Variants in EHBP1 observed in about 807,000 individuals in gnomAD.
The protein encoded by EHBP1 is EH domain binding protein 1, also known as EH domain-binding protein 1.
A neutral mutation model predicts 144.0 loss-of-function variants in EHBP1; 55 were observed. The ratio of observed to expected loss-of-function variants is 0.38; its 90% CI spans 0.31 to 0.48. The LOEUF (loss-of-function observed/expected upper bound fraction) is 0.48. EHBP1 is among the 20% of genes least tolerant of loss of function. The pLI is 0.98. For synonymous variants in EHBP1, 469 were observed against 472.7 expected (o/e 0.99, Z 0.10); for missense variants, 1,200 against 1,364.2 (o/e 0.88, Z 1.90).
At chr2:62,929,017 C>T (rs2055763647) in intron 10 of EHBP1, among the ~76,000 whole-genome samples, 1 of 151,982 alleles carries the variant, frequency 6.6e-6, no homozygotes, top group African/African-American at 2.4e-5. Flanking sequence ...AACAGAAGAC[C>T]TACCAAAATG....
chr2:62,885,132 A>G (rs1410571410), intron 10 of EHBP1, among the ~76,000 whole-genome samples: 1 of 152,244 alleles, frequency 6.6e-6, no homozygotes. Flanking sequence ...GAGGTGGCAA[A>G]GTGTTCACTG....
At chr2:62,754,929 C>A (rs1485413982) in intron 3 of EHBP1, among the ~76,000 whole-genome samples, 1 of 152,214 alleles carries the variant, frequency 6.6e-6, no homozygotes, top group East Asian at 1.9e-4. Context: ...TGACACCTTG[C>A]ACTTCCCGGG....
At chr2:62,923,386 C>A (rs186503111) in intron 10 of EHBP1, among the ~76,000 whole-genome samples, 234 of 152,324 alleles carry the variant, frequency 1.5e-3, no homozygotes, top group Non-Finnish European at 9.0e-4. Context: ...CTCTGAACAG[C>A]TGACATTCTC....
At chr2:62,886,510 A>G (rs2051941387) in intron 10 of EHBP1, among the ~76,000 whole-genome samples, 1 of 148,032 alleles carries the variant, frequency 6.8e-6, no homozygotes, top group South Asian at 2.1e-4. Context: ...TCTATTGGTT[A>G]GTATTTTTTT....
intron 6 of EHBP1, 148 bp downstream of exon 6, chr2:62,826,416 C>T (rs1241533874): frequency 1.5e-5 from 9 of 615,884 alleles, no homozygotes; most frequent in Non-Finnish European, 2.6e-6. Context: ...TAAGGGAACT[C>T]CTTGTTACTT....
chr2:62,862,040 T>G (rs762967304), intron 8 of EHBP1, among the ~76,000 whole-genome samples: 1 of 152,198 alleles, frequency 6.6e-6, no homozygotes, highest in Non-Finnish European at 1.5e-5. Context: ...AAGAAAATGC[T>G]TAATTTACAT....
At chr2:62,729,432 A>AATAATAAAT (rs70962790) in intron 2 of EHBP1, among the ~76,000 whole-genome samples, 33,195 of 111,208 alleles carry the variant, frequency 0.3, 5,350 homozygotes, top group Middle Eastern at 0.37. Flanking sequence ...ATAATATAAT[A>AATAATAAAT]ATAATAAATA....
chr2:62,890,037 C>T (rs1344354401), intron 10 of EHBP1, among the ~76,000 whole-genome samples: 3 of 149,582 alleles, frequency 2.0e-5, no homozygotes, highest in East Asian at 4.0e-4. Flanking sequence ...TTTTGGCTCA[C>T]TGCAACCTCC....
intron 5 of EHBP1, among the ~76,000 whole-genome samples, chr2:62,798,132 C>T (rs1439659879): frequency 2.0e-5 from 3 of 152,006 alleles, no homozygotes; most frequent in Non-Finnish European, 2.9e-5. Context: ...GTTGGGAGGC[C>T]GAGGGAGGCG....
chr2:62,686,976 C>G (rs1234384800), intron 1 of EHBP1, among the ~76,000 whole-genome samples: 2 of 152,164 alleles, frequency 1.3e-5, no homozygotes, highest in Non-Finnish European at 2.9e-5. Context: ...CTATTATCCC[C>G]ACTTTATATA....
chr2:63,007,545 A>G (rs2060093910), intron 19 of EHBP1, among the ~76,000 whole-genome samples: 1 of 151,734 alleles, frequency 6.6e-6, no homozygotes, highest in Non-Finnish European at 1.5e-5. Context: ...CTGTTCACCT[A>G]CTTTCCCTTT....
At chr2:62,873,541 A>G (rs1256312071) in intron 9 of EHBP1, among the ~76,000 whole-genome samples, 1 of 152,134 alleles carries the variant, frequency 6.6e-6, no homozygotes, top group African/African-American at 2.4e-5. Flanking sequence ...GAGAAAATAC[A>G]GAAGAGGCTA....
chr2:62,849,964 T>G (rs1247644222), intron 7 of EHBP1, among the ~76,000 whole-genome samples: 1 of 152,142 alleles, frequency 6.6e-6, no homozygotes, highest in Non-Finnish European at 1.5e-5. Flanking sequence ...AATAGATGAA[T>G]TCTTTCAAAA....
At chr2:62,887,529 G>A (rs1428876262) in intron 10 of EHBP1, among the ~76,000 whole-genome samples, 1 of 150,688 alleles carries the variant, frequency 6.6e-6, no homozygotes, top group African/African-American at 2.4e-5. Flanking sequence ...CTTGAGCCCA[G>A]GAGTTCAAGA....
chr2:62,986,566 G>C (rs181600276), intron 15 of EHBP1, among the ~76,000 whole-genome samples: 1 of 149,756 alleles, frequency 6.7e-6, no homozygotes, highest in African/African-American at 2.5e-5. Flanking sequence ...CCTCAGCCTC[G>C]TAGCTGGGAC....
rs188753794 is a variant in EHBP1 at position 62,850,769 on chromosome 2, A to G, written c.635-8400A>G. ...CCCATTAAAAAAATTCCAGGAATAA[A>G]TTTTTGTTATAAATTTTCTTTTAAG... On this transcript the variant is annotated intron_variant, in intron 7 of 22. Transcript: ENST00000431489. 6.7e-4 allele frequency among the ~76,000 whole-genome samples: 102 copies of G among 152,334 alleles called. 1 individual carries two copies. In the East Asian group the frequency reaches 0.01, roughly 15 times the overall value.
intron 1 of EHBP1, among the ~76,000 whole-genome samples, chr2:62,700,304 T>C (rs1558515948): frequency 6.6e-6 from 1 of 152,244 alleles, no homozygotes; most frequent in Non-Finnish European, 1.5e-5. Flanking sequence ...CACAGTTTTA[T>C]TTTCCCATTA....
chr2:62,975,921 CACACACACACACACAT>C (rs1332557134), intron 14 of EHBP1, among the ~76,000 whole-genome samples: 2 of 149,038 alleles, frequency 1.3e-5, no homozygotes, highest in Non-Finnish European at 3.0e-5. Context: ...CACACACACA[CACACACACACACACAT>C]ATATAGTAGA....
At chr2:62,813,646 G>T (rs952361667) in intron 5 of EHBP1, among the ~76,000 whole-genome samples, 3 of 152,216 alleles carry the variant, frequency 2.0e-5, no homozygotes, top group Non-Finnish European at 4.4e-5. Flanking sequence ...GGGCAGGGTT[G>T]CCTGAGGCCT....
Sources: gnomAD v4.1 joint callset for allele counts (sites outside exome capture counted in the v4.1 genomes callset) on GRCh38, gnomAD v4.1.1 for gene constraint, MANE v1.5 for transcripts, NCBI Gene and HGNC (gene_info 2026-07-23, HGNC 2026-07-21) for gene names.